BLTP1: variants seen among roughly 807,000 people sequenced by gnomAD.
BLTP1 encodes the protein bridge-like lipid transfer protein family member 1.
At chr4:122,306,795 C>CA in the BLTP1 span, 1 of 493,698 alleles carries the variant, frequency 2.0e-6, no homozygotes, top group Non-Finnish European at 2.6e-6. Flanking sequence ...GTGGATTGGG[C>CA]AAATATATTT....
the BLTP1 span, among the ~76,000 whole-genome samples, chr4:122,296,172 G>T: frequency 1.3e-5 from 2 of 152,138 alleles, no homozygotes; most frequent in Non-Finnish European, 2.9e-5. Flanking sequence ...CCTATATTTG[G>T]AAAACCCCAT....
At chr4:122,188,218 A>C in the BLTP1 span, 1 of 1,114,732 alleles carries the variant, frequency 9.0e-7, no homozygotes, top group Non-Finnish European at 1.2e-6. Context: ...CTATTAAAGC[A>C]GTTAACAATG....
the BLTP1 span, chr4:122,187,100 G>A: frequency 2.0e-6 from 2 of 984,162 alleles, no homozygotes; most frequent in Non-Finnish European, 2.4e-6. Context: ...CTTATAAAAT[G>A]TCGTATAGTA....
the BLTP1 span, chr4:122,175,339 T>C: frequency 1.2e-6 from 1 of 829,028 alleles, no homozygotes. Flanking sequence ...GTTCATCCTT[T>C]TGGGGCATGA....
At chr4:122,219,222 C>T in the BLTP1 span, 1 of 1,455,730 alleles carries the variant, frequency 6.9e-7, no homozygotes, top group Non-Finnish European at 9.1e-7. Flanking sequence ...AGGCCTGATG[C>T]CTTTTTATTA....
the BLTP1 span, among the ~76,000 whole-genome samples, chr4:122,320,126 T>C: frequency 6.6e-6 from 1 of 152,154 alleles, no homozygotes. Context: ...TCTCTTAGTT[T>C]GGGCCTCACA....
chr4:122,233,514 T>C, the BLTP1 span, among the ~76,000 whole-genome samples: 2 of 152,214 alleles, frequency 1.3e-5, no homozygotes, highest in African/African-American at 2.4e-5. Flanking sequence ...CTATTATGTA[T>C]ATAAGTTCTT....
At chr4:122,315,421 A>G in the BLTP1 span, 8 of 1,612,000 alleles carry the variant, frequency 5.0e-6, no homozygotes, top group African/African-American at 4.0e-5. Context: ...CAATTTCTAT[A>G]CCCAGGACTT....
At chr4:122,339,116 T>C in the BLTP1 span, 1 of 1,401,408 alleles carries the variant, frequency 7.1e-7, no homozygotes. Flanking sequence ...AAAATGTTTC[T>C]TAAGTTTATT....
the BLTP1 span, among the ~76,000 whole-genome samples, chr4:122,290,336 GA>G: frequency 6.6e-6 from 1 of 152,168 alleles, no homozygotes; most frequent in African/African-American, 2.4e-5. Flanking sequence ...TGCCACTGAA[GA>G]AGCCTTAACT....
the BLTP1 span, chr4:122,328,917 A>G: frequency 5.2e-6 from 1 of 190,544 alleles, no homozygotes; most frequent in East Asian, 1.9e-4. Context: ...GGTTGTGACA[A>G]TAATAGTAAG....
the BLTP1 span, chr4:122,202,500 C>G: frequency 2.5e-6 from 2 of 813,758 alleles, no homozygotes; most frequent in South Asian, 5.6e-5. Flanking sequence ...AGCTGGAATT[C>G]TAACTCAAGT....
chr4:122,167,813 T>C, the BLTP1 span: 1 of 985,408 alleles, frequency 1.0e-6, no homozygotes, highest in East Asian at 1.1e-4. Context: ...CATGCTTTAC[T>C]CTGCTTCACC....
At chr4:122,295,585 TCA>T in the BLTP1 span, among the ~76,000 whole-genome samples, 18 of 152,124 alleles carry the variant, frequency 1.2e-4, no homozygotes, top group African/African-American at 4.3e-4. Context: ...CCTCCCTAAC[TCA>T]TTTTATAAGG....
chr4:122,347,750 G>A, the BLTP1 span: 1 of 1,613,694 alleles, frequency 6.2e-7, no homozygotes, highest in Non-Finnish European at 8.5e-7. Flanking sequence ...AGATCAAGGA[G>A]TGTATCTGAT....
At chr4:122,322,195 C>T in the BLTP1 span, among the ~76,000 whole-genome samples, 2 of 151,286 alleles carry the variant, frequency 1.3e-5, no homozygotes, top group Admixed American at 6.6e-5. Flanking sequence ...GTCCCACAGT[C>T]CTTAGATATA....
At chr4:122,247,236 G>C in the BLTP1 span, 4 of 1,613,452 alleles carry the variant, frequency 2.5e-6, no homozygotes, top group Non-Finnish European at 3.4e-6. Flanking sequence ...ATGCCACAAA[G>C]ATGCAGCCTC....
the BLTP1 span, chr4:122,272,507 AT>A: frequency 1.8e-3 from 1,674 of 945,314 alleles, no homozygotes; most frequent in Middle Eastern, 2.9e-3. Flanking sequence ...TAATTGGCAA[AT>A]TTTTTTTTTC....
At chr4:122,360,822 T>A in the BLTP1 span, among the ~76,000 whole-genome samples, 1,038 of 152,334 alleles carry the variant, frequency 6.8e-3, 11 homozygotes, top group African/African-American at 0.024. Context: ...TAAATAATAA[T>A]GTATTTAAAT....
Sources: allele counts gnomAD v4.1 joint callset (sites outside exome capture counted in the v4.1 genomes callset), GRCh38; gene constraint gnomAD v4.1.1; transcripts MANE v1.5; gene names NCBI Gene and HGNC (gene_info 2026-07-23, HGNC 2026-07-21).